CRYBB2: variants seen among roughly 807,000 people sequenced by gnomAD.
CRYBB2 encodes the protein crystallin beta B2.
Under a neutral mutation model 24.3 loss-of-function variants are expected in CRYBB2, and 12 were observed. That is an observed-to-expected ratio of 0.49 (90% CI 0.32 to 0.80). The LOEUF is 0.80. Among genes scored for constraint, CRYBB2 ranks in the 30% least tolerant of loss-of-function variants. The pLI, the probability that CRYBB2 is intolerant of heterozygous loss-of-function variation, is 0.04. For synonymous variants in CRYBB2, 98 were observed against 101.6 expected, an observed-to-expected ratio of 0.96 and a Z score of 0.21; for missense variants, 198 against 268.5, an observed-to-expected ratio of 0.74 and a Z score of 1.83.
At chr22:25,218,810 GAAAGAAAGAA>G (rs1569016399), upstream of CRYBB2, among the ~76,000 whole-genome samples, 22 of 122,484 alleles carry the variant, frequency 1.8e-4, 1 homozygote, top group African/African-American at 6.6e-4. Flanking sequence ...AAGAAAGAAA[GAAAGAAAGAA>G]AGAAAGAAAG....
intron 4 of CRYBB2, among the ~76,000 whole-genome samples, chr22:25,228,975 T>G (rs1935474379): frequency 6.6e-6 from 1 of 150,986 alleles, no homozygotes; most frequent in Non-Finnish European, 1.5e-5. Context: ...TCCATGTGTG[T>G]GTGCACGCAT....
rs771746764 is a variant in CRYBB2, at chr22:25,227,835, T to C, written c.174-18T>C. On this transcript the variant is annotated intron_variant, in intron 3 of 5. Transcript: ENST00000398215. ...GAGTGGAACTGACCTGCCCCCTTTC[T>C]CTCTGTCTCCATGGCAGCTGGGTGG... is the stretch of plus-strand genomic sequence containing the variant. 1.5e-5 allele frequency: 24 copies of C among 1,613,922 alleles called. No individual in the cohort carries two copies. Among genetic ancestry groups the C allele is most frequent in the Non-Finnish European group, 1.9e-5 (22 of 1,180,032 alleles).
chr22:25,215,119 GC>G (rs1173613614), upstream of CRYBB2, among the ~76,000 whole-genome samples: 18 of 152,180 alleles, frequency 1.2e-4, no homozygotes, highest in African/African-American at 4.3e-4. Flanking sequence ...CCAAAATCTG[GC>G]CATAAACTGG....
chr22:25,227,377 A>T (rs3091341), intron 3 of CRYBB2, among the ~76,000 whole-genome samples: 83,737 of 151,702 alleles, frequency 0.55, 24,154 homozygotes, highest in East Asian at 0.92. Context: ...GTCAGTTCTC[A>T]GTGGTGAAGG....
intron 2 of CRYBB2, among the ~76,000 whole-genome samples, chr22:25,222,111 T>C (rs544235751): frequency 6.6e-6 from 1 of 152,284 alleles, no homozygotes; most frequent in East Asian, 1.9e-4. Context: ...CAAACCTCTA[T>C]CTAGGCACGG....
intron 2 of CRYBB2, among the ~76,000 whole-genome samples, chr22:25,224,297 T>A (rs1377696248): frequency 2.0e-5 from 3 of 152,006 alleles, no homozygotes; most frequent in African/African-American, 7.3e-5. Context: ...TAGGTTTGAG[T>A]GTTAGAATTT....
chr22:25,217,989 G>A (rs1002604078), upstream of CRYBB2, among the ~76,000 whole-genome samples: 2 of 152,206 alleles, frequency 1.3e-5, no homozygotes, highest in South Asian at 4.1e-4. Flanking sequence ...GCCGGGCGCG[G>A]TGGCTCACGC....
At chr22:25,218,838 G>GAAAGAAAGAAAGAAAAAGAAAGAAAGAA (rs386365958), upstream of CRYBB2, among the ~76,000 whole-genome samples, 1 of 97,992 alleles carries the variant, frequency 1.0e-5, no homozygotes, top group Non-Finnish European at 2.0e-5. Flanking sequence ...AAGAAAGAAA[G>GAAAGAAAGAAAGAAAAAGAAAGAAAGAA]AGAAAGAAAG....
chr22:25,218,786 G>GAA (rs1377014091), upstream of CRYBB2, among the ~76,000 whole-genome samples: 80 of 67,822 alleles, frequency 1.2e-3, 3 homozygotes, highest in African/African-American at 4.3e-3. Flanking sequence ...AGAGAAGAAA[G>GAA]AAAGAAAGAA....
chr22:25,212,976 T>G (rs1347475167), intron 1 of CRYBB2: 1 of 152,236 alleles, frequency 6.6e-6, no homozygotes, highest in Non-Finnish European at 1.5e-5. Flanking sequence ...GCATTGTAAA[T>G]AGGAATAATT....
At chr22:25,220,795 C>T (rs752614084) in intron 1 of CRYBB2, among the ~76,000 whole-genome samples, 2 of 152,230 alleles carry the variant, frequency 1.3e-5, no homozygotes, top group East Asian at 1.9e-4. Context: ...GGATTTCTAC[C>T]GTCGCACCCA....
intron 2 of CRYBB2, among the ~76,000 whole-genome samples, chr22:25,222,023 A>G (rs1935330333): frequency 6.6e-6 from 1 of 152,170 alleles, no homozygotes; most frequent in Admixed American, 6.5e-5. Flanking sequence ...GCCGCCTTTG[A>G]TTTCTCATCC....
chr22:25,226,588 C>T (rs951585722), intron 3 of CRYBB2, among the ~76,000 whole-genome samples: 3 of 152,196 alleles, frequency 2.0e-5, no homozygotes, highest in Non-Finnish European at 4.4e-5. Flanking sequence ...TTAAGTTTTT[C>T]AGTTACTGGA....
chr22:25,225,955 C>T lies in CRYBB2; in HGVS notation c.173+919C>T, dbSNP rs1935405582. On this transcript the variant is annotated intron_variant, in intron 3 of 5. Transcript: ENST00000398215. ...TTTAAGCACCACATCTGACTTTCAG[C>T]TGCCTTTTCAAACATTTTGATGAAA... Among the ~76,000 whole-genome samples the T allele has an allele frequency of 2.6e-5, 4 of 152,314 alleles. 1 individual carries two copies. In the South Asian group the frequency reaches 8.3e-4, roughly 32 times the overall value.
chr22:25,229,970 C>T (rs1482431398), intron 5 of CRYBB2, among the ~76,000 whole-genome samples: 1 of 150,420 alleles, frequency 6.6e-6, no homozygotes. Flanking sequence ...CCTTTGACCG[C>T]GTGTGTCCCT....
intron 3 of CRYBB2, 26 bp from the exon 4 acceptor site, chr22:25,227,827 C>T: frequency 6.2e-7 from 1 of 1,613,886 alleles, no homozygotes; most frequent in Non-Finnish European, 8.5e-7. Flanking sequence ...ACTGACCTGC[C>T]CCCTTTCTCT....
chr22:25,224,143 C>A lies in CRYBB2; in HGVS notation c.55-775C>A, dbSNP rs952249788. On this transcript the variant is annotated intron_variant, in intron 2 of 5. Transcript: ENST00000398215. ...CGTCTCAAAAAAAAAAAACAAAAAA[C>A]CTCACTGGAACCATGAAAGGTGGCA... Among the ~76,000 whole-genome samples the A allele has an allele frequency of 4.9e-5, 7 of 143,568 alleles. No individual in the cohort carries two copies. The South Asian group carries it at 6.5e-4, about 13-fold the overall frequency. 94.2% of individuals were successfully genotyped at this position (143,568 alleles called of 152,430 possible). A position where few individuals can be genotyped will look rare whatever the true frequency, so the allele number is the denominator to read the frequency against.
intron 2 of CRYBB2, among the ~76,000 whole-genome samples, chr22:25,224,245 T>G (rs1935374462): frequency 6.6e-6 from 1 of 152,050 alleles, no homozygotes; most frequent in Non-Finnish European, 1.5e-5. Context: ...GTTTCCCTGA[T>G]GGGGATCCCA....
rs374906163 is a variant in CRYBB2, at chr22:25,227,831, T to C, written c.174-22T>C. The C allele has an allele frequency of 1.9e-4, 303 of 1,613,832 alleles. No individual in the cohort carries two copies. The Middle Eastern group carries it at 2.3e-3, about 12-fold the overall frequency. On this transcript the variant is annotated intron_variant, in intron 3 of 5. Transcript: ENST00000398215. ...CTTGGAGTGGAACTGACCTGCCCCC[T>C]TTCTCTCTGTCTCCATGGCAGCTGG...
Sources: gnomAD v4.1 joint callset for allele counts (sites outside exome capture counted in the v4.1 genomes callset) on GRCh38, gnomAD v4.1.1 for gene constraint, MANE v1.5 for transcripts, NCBI Gene and HGNC (gene_info 2026-07-23, HGNC 2026-07-21) for gene names.